SMYD1: variants seen among roughly 807,000 people sequenced by gnomAD.
SMYD1 encodes the protein SET and MYND domain containing 1.
SMYD1 carries 49 observed loss-of-function variants against 54.0 expected under a neutral mutation model. The observed-to-expected ratio is 0.91, with a 90% CI of 0.72 to 1.15. The LOEUF is 1.15. Ranked by LOEUF, SMYD1 falls within the 50% of genes most tolerant of loss-of-function variation. The probability of loss-of-function intolerance (pLI) is 0.00; values close to 1 mark genes in which losing one functional copy is unlikely to be tolerated. For synonymous variants in SMYD1, 269 were observed against 234.2 expected, an observed-to-expected ratio of 1.15 and a Z score of -1.36; for missense variants, 653 against 639.6, an observed-to-expected ratio of 1.02 and a Z score of -0.23.
At chr2:88,093,401 T>C (rs1025664021) in intron 4 of SMYD1, 116 bp from the exon 5 acceptor site, 17 of 1,218,026 alleles carry the variant, frequency 1.4e-5, no homozygotes, top group Non-Finnish European at 2.1e-5. Context: ...ATAAAGGTTA[T>C]TGTGATGGCC....
rs570840940 is a variant in SMYD1, at chr2:88,103,238, C to T, written c.981+88C>T. On this transcript the variant is annotated intron_variant, in intron 7 of 9. Transcript: ENST00000419482. ...GGGAGGGAAGTGGCGTGAGAACGGG[C>T]GGCGGGGGAGGGGGGCTACCAAGCA... The T allele has an allele frequency of 2.1e-3, 1,253 of 603,884 alleles. 10 individuals carry two copies. The highest frequency in any genetic ancestry group is 5.3e-3 in the South Asian group (277 of 52,682). 37.4% of individuals were successfully genotyped at this position (603,884 alleles called of 1,614,324 possible). A position where few individuals can be genotyped will look rare whatever the true frequency, so the allele number is the denominator to read the frequency against.
intron 5 of SMYD1, among the ~76,000 whole-genome samples, chr2:88,094,174 G>C (rs1268086170): frequency 6.6e-6 from 1 of 152,176 alleles, no homozygotes; most frequent in Non-Finnish European, 1.5e-5. Flanking sequence ...TTTGGGCTTT[G>C]GGAATGCTGG....
chr2:88,105,378 T>TACAC (rs397747635), intron 7 of SMYD1, among the ~76,000 whole-genome samples: 5,045 of 150,844 alleles, frequency 0.033, 241 homozygotes, highest in African/African-American at 0.11. Context: ...CATGCATATA[T>TACAC]ACACACACAC....
chr2:88,111,212 A>G lies in SMYD1; in HGVS notation c.*700A>G, dbSNP rs1441640. On this transcript the variant is annotated 3_prime_UTR_variant, in exon 10 of 10. Coordinates refer to ENST00000419482, the MANE Select transcript of SMYD1 (RefSeq NM_198274.4). Reference sequence around the variant, plus strand: ...CAAACCAACTGAGGTCTTAAAGTCCAGGGAAAAAAAGTCTGGGTTCCAACT... The same window carrying G: ...CAAACCAACTGAGGTCTTAAAGTCCGGGGAAAAAAAGTCTGGGTTCCAACT... 0.72 allele frequency: 109,275 copies of G among 152,118 alleles called. 39,419 individuals carry two copies. Among genetic ancestry groups the G allele is most frequent in the South Asian group, 0.79 (3,832 of 4,826 alleles). 9.4% of individuals were successfully genotyped at this position (152,118 alleles called of 1,614,324 possible). A position where few individuals can be genotyped will look rare whatever the true frequency, so the allele number is the denominator to read the frequency against.
intron 4 of SMYD1, 63 bp from the exon 5 acceptor site, chr2:88,093,454 C>G: frequency 1.9e-6 from 3 of 1,595,920 alleles, no homozygotes; most frequent in Non-Finnish European, 2.6e-6. Flanking sequence ...CACCCTTGCA[C>G]TGGATCACAC....
chr2:88,101,395 A>G (rs1674717479), intron 6 of SMYD1, among the ~76,000 whole-genome samples: 1 of 152,210 alleles, frequency 6.6e-6, no homozygotes, highest in Non-Finnish European at 1.5e-5. Context: ...ATAGTTTTAT[A>G]TTGATATGGG....
intron 1 of SMYD1, among the ~76,000 whole-genome samples, chr2:88,077,358 C>A (rs1040427126): frequency 6.6e-6 from 1 of 152,232 alleles, no homozygotes; most frequent in Non-Finnish European, 1.5e-5. Flanking sequence ...GGCCTTGTAG[C>A]TGCATCCGCC....
intron 2 of SMYD1, among the ~76,000 whole-genome samples, chr2:88,085,391 T>C (rs1408813921): frequency 6.6e-6 from 1 of 152,092 alleles, no homozygotes; most frequent in East Asian, 1.9e-4. Context: ...GGGGTGGGGC[T>C]CAGTGCTGGG....
At chr2:88,081,896 C>A (rs980992967) in intron 1 of SMYD1, among the ~76,000 whole-genome samples, 24 of 152,114 alleles carry the variant, frequency 1.6e-4, no homozygotes, top group African/African-American at 5.6e-4. Flanking sequence ...TGTGTTTGGC[C>A]AGGAGACAAG....
intron 7 of SMYD1, 95 bp from the exon 8 acceptor site, chr2:88,106,230 G>A: frequency 6.7e-7 from 1 of 1,503,016 alleles, no homozygotes; most frequent in Admixed American, 1.9e-5. Flanking sequence ...GTCTTAAAAA[G>A]AATGATTGTC....
intron 1 of SMYD1, among the ~76,000 whole-genome samples, chr2:88,077,873 G>A (rs531974763): frequency 2.7e-4 from 41 of 152,046 alleles, no homozygotes; most frequent in African/African-American, 8.9e-4. Flanking sequence ...ACAGGTGCCC[G>A]CCACCACGCC....
At chr2:88,074,930 C>CT (rs1674026510) in intron 1 of SMYD1, among the ~76,000 whole-genome samples, 3 of 152,194 alleles carry the variant, frequency 2.0e-5, no homozygotes, top group Admixed American at 1.3e-4. Flanking sequence ...AGGATCAGCC[C>CT]TGGCAGACAC....
At chr2:88,101,389 T>A (rs1203686727) in intron 6 of SMYD1, among the ~76,000 whole-genome samples, 1 of 152,200 alleles carries the variant, frequency 6.6e-6, no homozygotes, top group Non-Finnish European at 1.5e-5. Flanking sequence ...ATATAGATAG[T>A]TTTATATTGA....
chr2:88,076,709 A>C (rs1674074501), intron 1 of SMYD1, among the ~76,000 whole-genome samples: 1 of 152,158 alleles, frequency 6.6e-6, no homozygotes, highest in Non-Finnish European at 1.5e-5. Flanking sequence ...GATGTTCTTT[A>C]AGACACCTAC....
chr2:88,077,722 CTTTTTT>C (rs1168525311), intron 1 of SMYD1, among the ~76,000 whole-genome samples: 1 of 126,236 alleles, frequency 7.9e-6, no homozygotes. Flanking sequence ...GTGGGCATTT[CTTTTTT>C]TTTTTTTTTT....
intron 1 of SMYD1, 24 bp from the exon 2 acceptor site, chr2:88,084,292 T>C: frequency 6.5e-7 from 1 of 1,549,656 alleles, no homozygotes; most frequent in East Asian, 2.3e-5. Context: ...CTCCCAATCA[T>C]GTGTCTTCTT....
chr2:88,077,846 C>T (rs951917659), intron 1 of SMYD1, among the ~76,000 whole-genome samples: 2 of 151,722 alleles, frequency 1.3e-5, no homozygotes, highest in Non-Finnish European at 2.9e-5. Flanking sequence ...GCCTCAGCCT[C>T]CCTAGTAACT....
At chr2:88,093,625 C>T in intron 5 of SMYD1, 70 bp downstream of exon 5, 1 of 1,565,192 alleles carries the variant, frequency 6.4e-7, no homozygotes, top group Non-Finnish European at 8.8e-7. Flanking sequence ...TTGCTGGGGC[C>T]ACCCATTCCC....
At chr2:88,105,793 T>C (rs1674851718) in intron 7 of SMYD1, among the ~76,000 whole-genome samples, 1 of 151,922 alleles carries the variant, frequency 6.6e-6, no homozygotes, top group South Asian at 2.1e-4. Context: ...CAAAAATTAT[T>C]TGGGCGTGGT....
Sources: gnomAD v4.1 joint callset for allele counts (sites outside exome capture counted in the v4.1 genomes callset) on GRCh38, gnomAD v4.1.1 for gene constraint, MANE v1.5 for transcripts, NCBI Gene and HGNC (gene_info 2026-07-23, HGNC 2026-07-21) for gene names.